Variants in NLGN1 observed in about 807,000 individuals in gnomAD.
The protein encoded by NLGN1 is neuroligin-1.
In NLGN1, 12 loss-of-function variants were observed where a neutral mutation model predicts 65.5. The ratio of observed to expected loss-of-function variants is 0.18; its 90% confidence interval spans 0.12 to 0.30. The LOEUF (loss-of-function observed/expected upper bound fraction) is 0.30, where lower values mean the gene tolerates loss of function less well. Ranked by LOEUF, NLGN1 falls within the 10% of genes least tolerant of loss-of-function variation. The pLI is 1.00. For synonymous variants in NLGN1, 350 were observed against 359.5 expected (o/e 0.97, Z 0.30); for missense variants, 750 against 1,007.1 (o/e 0.74, Z 3.46).
chr3:174,174,648 C>T (rs910629792), intron 4 of NLGN1, among the ~76,000 whole-genome samples: 2 of 152,012 alleles, frequency 1.3e-5, no homozygotes, highest in African/African-American at 4.8e-5. Flanking sequence ...CTATTCATGT[C>T]CTTAGCCCAC....
chr3:173,921,838 T>C (rs1430187041), intron 4 of NLGN1, among the ~76,000 whole-genome samples: 1 of 152,112 alleles, frequency 6.6e-6, no homozygotes, highest in Admixed American at 6.6e-5. Context: ...ATTGTAGTAG[T>C]TGGGGCTATT....
At chr3:173,566,365 G>T (rs1380284345) in intron 2 of NLGN1, among the ~76,000 whole-genome samples, 2 of 152,148 alleles carry the variant, frequency 1.3e-5, no homozygotes, top group Non-Finnish European at 1.5e-5. Context: ...TTGGTTAATT[G>T]TATGGGCTAG....
intron 2 of NLGN1, among the ~76,000 whole-genome samples, chr3:173,453,433 C>G (rs247983): frequency 6.6e-6 from 1 of 151,464 alleles, no homozygotes; most frequent in African/African-American, 2.4e-5. Context: ...ATTGATTGAT[C>G]CTTCCTTTCA....
intron 2 of NLGN1, among the ~76,000 whole-genome samples, chr3:173,497,409 T>G (rs1730215379): frequency 6.6e-6 from 1 of 150,792 alleles, no homozygotes; most frequent in African/African-American, 2.4e-5. Flanking sequence ...AATAAATAAA[T>G]AAATAAATAA....
intron 2 of NLGN1, among the ~76,000 whole-genome samples, chr3:173,572,476 A>T (rs1210502847): frequency 6.6e-6 from 1 of 152,232 alleles, no homozygotes; most frequent in South Asian, 2.1e-4. Flanking sequence ...GCCATGAACC[A>T]ATCTGAGTCC....
At chr3:174,090,186 A>C (rs1397230739) in intron 4 of NLGN1, among the ~76,000 whole-genome samples, 1 of 152,170 alleles carries the variant, frequency 6.6e-6, no homozygotes, top group East Asian at 1.9e-4. Context: ...AAAAGAGACT[A>C]AGGTCCGGGC....
intron 4 of NLGN1, among the ~76,000 whole-genome samples, chr3:173,992,848 G>A (rs1215545571): frequency 6.6e-6 from 1 of 152,088 alleles, no homozygotes; most frequent in Non-Finnish European, 1.5e-5. Context: ...CAATATTTGT[G>A]TTTATTTGTT....
intron 4 of NLGN1, among the ~76,000 whole-genome samples, chr3:173,853,482 A>G (rs1727366466): frequency 1.3e-5 from 2 of 152,176 alleles, no homozygotes; most frequent in Non-Finnish European, 2.9e-5. Context: ...TTAAAGCATT[A>G]AACTCAATAT....
In NLGN1 at chr3:174,277,753, G is replaced by T. The variant is rs530673423; in HGVS notation, c.860-1108G>T. 1.2e-3 allele frequency among the ~76,000 whole-genome samples: 181 copies of T among 151,786 alleles called. 1 individual carries two copies. The highest frequency in any genetic ancestry group is 1.6e-3 in the Non-Finnish European group (107 of 67,862). On this transcript the variant is annotated intron_variant, in intron 5 of 6. Transcript: ENST00000457714. ...ATGTTACAGACATGTTGAATATATA[G>T]GCATATTAGGTTAAGAAAAATCTAA... is the stretch of plus-strand genomic sequence containing the variant.
chr3:173,632,368 A>C (rs999943956), intron 3 of NLGN1, among the ~76,000 whole-genome samples: 6 of 152,122 alleles, frequency 3.9e-5, no homozygotes, highest in African/African-American at 1.4e-4. Flanking sequence ...GTAGCTGAGA[A>C]ATTTCTAGGA....
At chr3:174,042,361 G>T (rs1321454973) in intron 4 of NLGN1, among the ~76,000 whole-genome samples, 1 of 151,978 alleles carries the variant, frequency 6.6e-6, no homozygotes, top group East Asian at 1.9e-4. Flanking sequence ...TTTACAGTTG[G>T]GTCAATCTTT....
intron 2 of NLGN1, among the ~76,000 whole-genome samples, chr3:173,508,276 T>A (rs1425164337): frequency 3.9e-5 from 6 of 152,206 alleles, no homozygotes; most frequent in African/African-American, 1.4e-4. Flanking sequence ...AAGGTATTAC[T>A]ACATGTCTCT....
At chr3:174,018,310 G>A (rs573446231) in intron 4 of NLGN1, among the ~76,000 whole-genome samples, 2 of 152,090 alleles carry the variant, frequency 1.3e-5, no homozygotes, top group South Asian at 2.1e-4. Context: ...GGGTCCTGAG[G>A]TGACATACAT....
At chr3:173,816,642 G>T (rs1269897033) in intron 4 of NLGN1, among the ~76,000 whole-genome samples, 2 of 152,194 alleles carry the variant, frequency 1.3e-5, no homozygotes, top group Non-Finnish European at 2.9e-5. Flanking sequence ...TCCCTGCCTT[G>T]TCTGGCAAAA....
intron 2 of NLGN1, among the ~76,000 whole-genome samples, chr3:173,550,023 G>T (rs889795641): frequency 2.0e-5 from 3 of 152,024 alleles, no homozygotes; most frequent in Admixed American, 6.6e-5. Context: ...TAGGTCAACT[G>T]AGTTAAACTC....
chr3:174,069,336 C>A (rs1236835182), intron 4 of NLGN1, among the ~76,000 whole-genome samples: 1 of 152,026 alleles, frequency 6.6e-6, no homozygotes, highest in Non-Finnish European at 1.5e-5. Context: ...TGTGGTATTA[C>A]CAAAGTAGTG....
chr3:173,887,585 C>A (rs188449166), intron 4 of NLGN1, among the ~76,000 whole-genome samples: 1 of 152,014 alleles, frequency 6.6e-6, no homozygotes, highest in Non-Finnish European at 1.5e-5. Context: ...TAATTAGAGG[C>A]AGAGTTCTAA....
intron 2 of NLGN1, among the ~76,000 whole-genome samples, chr3:173,540,200 T>G (rs1738611926): frequency 6.6e-6 from 1 of 152,074 alleles, no homozygotes; most frequent in African/African-American, 2.4e-5. Flanking sequence ...TAGGGACCAT[T>G]CAGAGGCTCC....
intron 2 of NLGN1, among the ~76,000 whole-genome samples, chr3:173,549,969 A>G (rs1451422443): frequency 1.3e-5 from 2 of 152,032 alleles, no homozygotes; most frequent in African/African-American, 4.8e-5. Context: ...CTGGCATAAG[A>G]TGGTTTTCAA....
Sources: gnomAD v4.1 joint callset for allele counts (sites outside exome capture counted in the v4.1 genomes callset) on GRCh38, gnomAD v4.1.1 for gene constraint, MANE v1.5 for transcripts, NCBI Gene and HGNC (gene_info 2026-07-23, HGNC 2026-07-21) for gene names.